Variants in KIF27 observed in about 807,000 individuals in gnomAD.
KIF27 encodes kinesin-like protein KIF27.
Under a neutral mutation model 141.8 loss-of-function variants are expected in KIF27, and 84 were observed. The ratio of observed to expected loss-of-function variants is 0.59; its 90% CI spans 0.50 to 0.71. KIF27 has a LOEUF of 0.71. Among genes scored for constraint, KIF27 ranks in the 30% least tolerant of loss-of-function variants. The pLI, the probability that KIF27 is intolerant of heterozygous loss-of-function variation, is 0.00. For synonymous variants in KIF27, 471 were observed against 569.5 expected, an observed-to-expected ratio of 0.83 and a Z score of 2.46; for missense variants, 1,306 against 1,628.4, an observed-to-expected ratio of 0.80 and a Z score of 3.41.
At chr9:83,867,237 A>G (rs1950436137) in intron 13 of KIF27, among the ~76,000 whole-genome samples, 1 of 152,112 alleles carries the variant, frequency 6.6e-6, no homozygotes, top group African/African-American at 2.4e-5. Context: ...ATCACAGTTT[A>G]TCCATTCATC....
chr9:83,910,344 T>A (rs1955019804), intron 2 of KIF27, among the ~76,000 whole-genome samples: 1 of 152,236 alleles, frequency 6.6e-6, no homozygotes, highest in Non-Finnish European at 1.5e-5. Flanking sequence ...ACCAATCTAT[T>A]TCACAGTCCT....
At chr9:83,849,810 C>A (rs2131669206) in intron 16 of KIF27, among the ~76,000 whole-genome samples, 1 of 152,176 alleles carries the variant, frequency 6.6e-6, no homozygotes, top group East Asian at 1.9e-4. Context: ...CTGAATCAAT[C>A]CCACATTTCT....
intron 11 of KIF27, among the ~76,000 whole-genome samples, chr9:83,874,624 G>A (rs1352019567): frequency 1.3e-5 from 2 of 152,076 alleles, no homozygotes; most frequent in African/African-American, 4.8e-5. Context: ...TTAGAGATGT[G>A]GCAAGATGGA....
Position 83,911,255 on chromosome 9 carries a change from G to T in KIF27, c.299-2603C>A, listed in dbSNP as rs570448283. 2.6e-5 allele frequency among the ~76,000 whole-genome samples: 4 copies of T among 152,196 alleles called. No individual in the cohort carries two copies. The South Asian group carries it at 8.3e-4, about 32-fold the overall frequency. ...CTAATTTTTTTGTTGCTTTTGTAGA[G>T]ACAAGCTCTCACTATGTTGCCCAGG... is the stretch of plus-strand genomic sequence containing the variant. On this transcript the variant is annotated intron_variant, in intron 2 of 17. Transcript: ENST00000297814.
At position 83,899,860 on chromosome 9, in the gene KIF27, C is replaced by T. The variant is rs1274793917; in HGVS notation, c.1459-56G>A. ...CACCACAGAAAATAATCAAGAAACC[C>T]CATATGATAACACAAAAATGGTGAT... On this transcript the variant is annotated intron_variant, in intron 4 of 17. Transcript: ENST00000297814. 4.1e-6 allele frequency: 6 copies of T among 1,458,214 alleles called. No individual in the cohort carries two copies. In the African/African-American group the frequency reaches 4.2e-5, roughly 10 times the overall value. The allele number at this position is 1,458,214 out of a possible 1,614,324, so 90.3% of individuals were successfully genotyped here.
rs11140269 is a variant in KIF27 at position 83,843,748 on chromosome 9, T to C, written c.3557-1347A>G. Among the ~76,000 whole-genome samples the C allele has an allele frequency of 8.0e-3, 1,212 of 152,276 alleles. 31 individuals carry two copies. Among genetic ancestry groups the C allele is most frequent in the East Asian group, 0.037 (191 of 5,182 alleles). On this transcript the variant is annotated intron_variant, in intron 16 of 17. Coordinates refer to ENST00000297814, the MANE Select transcript of KIF27 (RefSeq NM_017576.4). ...TATTACTATTATTTTTGAGACAGCA[T>C]CTCACCCTGTTGCCCAGGGTAGAGT... is the stretch of plus-strand genomic sequence containing the variant.
intron 17 of KIF27, among the ~76,000 whole-genome samples, chr9:83,840,802 G>A (rs1398993840): frequency 3.9e-5 from 6 of 152,182 alleles, no homozygotes; most frequent in Non-Finnish European, 8.8e-5. Flanking sequence ...ATCAGAAAGT[G>A]TAATCTCTTT....
chr9:83,910,127 A>C (rs1232605347), intron 2 of KIF27, among the ~76,000 whole-genome samples: 1 of 152,100 alleles, frequency 6.6e-6, no homozygotes, highest in African/African-American at 2.4e-5. Flanking sequence ...TTCACTGTTC[A>C]TTAAATACTA....
intron 2 of KIF27, 61 bp from the exon 3 acceptor site, chr9:83,908,713 C>CA (rs1954831257): frequency 1.0e-6 from 1 of 989,484 alleles, no homozygotes; most frequent in South Asian, 1.9e-5. Context: ...GCTACAACCC[C>CA]AAATTTATAG....
Position 83,903,447 on chromosome 9 carries a change from A to T in KIF27, c.1071T>A (p.Asp357Glu), listed in dbSNP as rs755339000. 1.9e-6 allele frequency: 3 copies of T among 1,614,132 alleles called. No individual in the cohort carries two copies. The highest frequency in any genetic ancestry group is 2.5e-6 in the Non-Finnish European group (3 of 1,180,024). The change falls in exon 4 of 18, where the codon GAT (aspartate) becomes GAA (glutamate). Residue 357 changes from aspartate to glutamate, a missense_variant. Asp to Glu is a conservative substitution (Grantham distance 45). Coordinates refer to ENST00000297814, the MANE Select transcript of KIF27 (RefSeq NM_017576.4). ...VNFSPESDRI[D>E]EMEFEIKLLR... ...GCAATTTAATCTCAAATTCCATTTC[A>T]TCTATACGGTCTGACTCGGGGCTGA... is the stretch of plus-strand genomic sequence containing the variant.
chr9:83,877,050 C>G (rs942245897), intron 11 of KIF27, among the ~76,000 whole-genome samples: 1 of 152,102 alleles, frequency 6.6e-6, no homozygotes, highest in Non-Finnish European at 1.5e-5. Flanking sequence ...GCACTTCAGC[C>G]TGGGTGACAG....
intron 2 of KIF27, among the ~76,000 whole-genome samples, chr9:83,909,597 G>A (rs1202884154): frequency 1.4e-5 from 2 of 139,202 alleles, no homozygotes; most frequent in Non-Finnish European, 3.0e-5. Flanking sequence ...CTGAGCGACA[G>A]AGGGAAACTG....
At chr9:83,873,837 CAGG>C (rs1188090473) in intron 11 of KIF27, among the ~76,000 whole-genome samples, 2 of 152,118 alleles carry the variant, frequency 1.3e-5, no homozygotes, top group African/African-American at 4.8e-5. Context: ...ATCACAAGGT[CAGG>C]AGATCGAGAC....
chr9:83,860,883 AT>A (rs10648187), intron 13 of KIF27, among the ~76,000 whole-genome samples: 404 of 142,622 alleles, frequency 2.8e-3, no homozygotes, highest in Middle Eastern at 0.015. Flanking sequence ...TTGATGGGAG[AT>A]TTTTTTTTTT....
intron 11 of KIF27, among the ~76,000 whole-genome samples, chr9:83,878,846 G>A (rs1951440878): frequency 1.3e-5 from 2 of 151,864 alleles, no homozygotes; most frequent in African/African-American, 4.8e-5. Flanking sequence ...GCACAAGATT[G>A]TGAATGTAAT....
rs201873830 is a variant in KIF27, at chr9:83,907,291, AAAATAAATAAATAAAT to A, written c.499+1145_499+1160del. On this transcript the variant is annotated intron_variant, in intron 3 of 17. Coordinates refer to ENST00000297814, the MANE Select transcript of KIF27 (RefSeq NM_017576.4). ...GGTGACAGAGCAAGACTCCATCTCA[AAAATAAATAAATAAAT>A]AAATAAATAAATAAATAAATAAATA... 9.7e-3 allele frequency among the ~76,000 whole-genome samples: 1,349 copies of A among 138,482 alleles called. 8 individuals carry two copies. The highest frequency in any genetic ancestry group is 0.021 in the Middle Eastern group (6 of 280). 90.8% of individuals were successfully genotyped at this position (138,482 alleles called of 152,430 possible).
intron 12 of KIF27, chr9:83,868,242 T>C (rs920296839): frequency 7.0e-5 from 11 of 157,248 alleles, no homozygotes; most frequent in Non-Finnish European, 1.1e-4. Flanking sequence ...TCTCCCCAGC[T>C]TGAGCTCCTT....
intron 13 of KIF27, among the ~76,000 whole-genome samples, chr9:83,862,968 T>C (rs2131928222): frequency 6.6e-6 from 1 of 152,294 alleles, no homozygotes; most frequent in East Asian, 1.9e-4. Flanking sequence ...ATGATTGGGC[T>C]CTCTGTTTGT....
chr9:83,879,194 GA>G (rs1193494719), intron 11 of KIF27, among the ~76,000 whole-genome samples: 2 of 146,880 alleles, frequency 1.4e-5, no homozygotes, highest in Non-Finnish European at 1.5e-5. Context: ...AAAAAAAAAG[GA>G]AAAAAAGTTA....
Sources: gnomAD v4.1 joint callset for allele counts (sites outside exome capture counted in the v4.1 genomes callset) on GRCh38, gnomAD v4.1.1 for gene constraint, MANE v1.5 for transcripts, NCBI Gene and HGNC (gene_info 2026-07-23, HGNC 2026-07-21) for gene names.